The following ARHGAP6 variants were observed in gnomAD, a reference collection of about 807,000 sequenced individuals.
ARHGAP6 encodes Rho GTPase activating protein 6, also known as rho GTPase-activating protein 6.
Under a neutral mutation model 55.7 loss-of-function variants are expected in ARHGAP6, and 16 were observed. That is an observed-to-expected ratio of 0.29 (90% confidence interval 0.19 to 0.44). ARHGAP6 has a LOEUF of 0.44. Among genes scored for constraint, ARHGAP6 ranks in the 20% least tolerant of loss-of-function variants. The pLI is 1.00. For missense variants in ARHGAP6, 698 were observed against 808.9 expected (o/e 0.86, Z 1.66); for synonymous variants, 382 against 360.9 (o/e 1.06, Z -0.66).
chrX:11,631,655 C>T (rs2052363475), intron 1 of ARHGAP6, among the ~76,000 whole-genome samples: 1 of 111,671 alleles, frequency 9.0e-6, no homozygotes, highest in Non-Finnish European at 1.9e-5. Context: ...AAGTCTACAG[C>T]AGGGAGCAGC....
At chrX:11,315,466 G>A (rs2048349506) in intron 1 of ARHGAP6, among the ~76,000 whole-genome samples, 1 of 111,893 alleles carries the variant, frequency 8.9e-6, no homozygotes, top group Admixed American at 9.5e-5. Context: ...ATTCTTAATA[G>A]GCCATGGACT....
intron 2 of ARHGAP6, among the ~76,000 whole-genome samples, chrX:11,232,492 C>G (rs2047146869): frequency 9.1e-6 from 1 of 110,336 alleles, no homozygotes; most frequent in Admixed American, 9.7e-5. Flanking sequence ...ATTAGCTGGG[C>G]TTGGTGGCGT....
At chrX:11,370,690 T>C (rs989408100) in intron 1 of ARHGAP6, among the ~76,000 whole-genome samples, 2 of 111,873 alleles carry the variant, frequency 1.8e-5, no homozygotes, top group Admixed American at 9.5e-5. Flanking sequence ...ATTAATTCAT[T>C]GACTTATTCA....
At chrX:11,160,231 C>T (rs892632002) in intron 9 of ARHGAP6, among the ~76,000 whole-genome samples, 18 of 107,757 alleles carry the variant, frequency 1.7e-4, no homozygotes, top group Admixed American at 3.0e-4. Flanking sequence ...GGGCAGATCA[C>T]GAGGTCAGGA....
chrX:11,277,710 TA>T (rs543163653), intron 1 of ARHGAP6, among the ~76,000 whole-genome samples: 28 of 107,849 alleles, frequency 2.6e-4, no homozygotes, highest in African/African-American at 7.4e-4. Flanking sequence ...TTTTTTTTTT[TA>T]AAAAAAAATT....
chrX:11,147,286 A>G (rs755289630), intron 10 of ARHGAP6, among the ~76,000 whole-genome samples: 1 of 107,073 alleles, frequency 9.3e-6, no homozygotes, highest in Non-Finnish European at 2.0e-5. Flanking sequence ...TATGACATAG[A>G]CATGTACACA....
rs758652229 is a variant in ARHGAP6 at position 11,369,925 on chromosome X, T to G, written c.589-115218A>C. ...GCTAAACTATCAAGTTGTCAGTACA[T>G]GCAGGAATTACAATCAAGGTTTGGA... On this transcript the variant is annotated intron_variant, in intron 1 of 12. Coordinates refer to ENST00000337414, the MANE Select transcript of ARHGAP6 (RefSeq NM_013427.3). Among the ~76,000 whole-genome samples the G allele has an allele frequency of 5.3e-5, 6 of 112,620 alleles. No homozygotes were observed. In the South Asian group the frequency reaches 2.2e-3, roughly 41 times the overall value.
intron 1 of ARHGAP6, among the ~76,000 whole-genome samples, chrX:11,364,839 G>C (rs2049055480): frequency 9.0e-6 from 1 of 111,292 alleles, no homozygotes; most frequent in Non-Finnish European, 1.9e-5. Flanking sequence ...CTCTCAACTA[G>C]CTTACTTTTC....
chrX:11,423,317 A>G (rs149213380), intron 1 of ARHGAP6, among the ~76,000 whole-genome samples: 4,830 of 112,792 alleles, frequency 0.043, 205 homozygotes, highest in African/African-American at 0.14. Flanking sequence ...AGCAAACTTA[A>G]TGACTTCAAA....
At chrX:11,639,249 C>T (rs774618758) in intron 1 of ARHGAP6, among the ~76,000 whole-genome samples, 2 of 106,351 alleles carry the variant, frequency 1.9e-5, no homozygotes, top group African/African-American at 3.6e-5. Flanking sequence ...TTCTAGGGTA[C>T]ATGTGCACAA....
At chrX:11,518,450 TC>T (rs2050869362) in intron 1 of ARHGAP6, among the ~76,000 whole-genome samples, 1 of 99,158 alleles carries the variant, frequency 1.0e-5, no homozygotes, top group Admixed American at 1.1e-4. Context: ...GGCCCAATTT[TC>T]TTTTTTTTTT....
intron 1 of ARHGAP6, among the ~76,000 whole-genome samples, chrX:11,447,778 T>C (rs1230150121): frequency 8.9e-6 from 1 of 112,564 alleles, no homozygotes; most frequent in Non-Finnish European, 1.9e-5. Context: ...CACATGGTTC[T>C]AGCAAGAAAG....
chrX:11,641,523 G>T (rs112977624), intron 1 of ARHGAP6, among the ~76,000 whole-genome samples: 11 of 111,662 alleles, frequency 9.9e-5, no homozygotes, highest in African/African-American at 2.6e-4. Context: ...CCTGAAGAAG[G>T]TCGCATCACA....
intron 1 of ARHGAP6, among the ~76,000 whole-genome samples, chrX:11,261,402 C>T (rs1485641438): frequency 9.0e-6 from 1 of 111,310 alleles, no homozygotes; most frequent in African/African-American, 3.3e-5. Context: ...CCAAAGCCTA[C>T]CAGCACAGTC....
At chrX:11,613,276 T>C (rs1469438859) in intron 1 of ARHGAP6, among the ~76,000 whole-genome samples, 1 of 112,467 alleles carries the variant, frequency 8.9e-6, no homozygotes, top group Non-Finnish European at 1.9e-5. Flanking sequence ...GGAACAGGGC[T>C]CATTTGATAT....
intron 1 of ARHGAP6, among the ~76,000 whole-genome samples, chrX:11,448,860 C>T (rs1437089292): frequency 9.0e-6 from 1 of 111,572 alleles, no homozygotes; most frequent in African/African-American, 3.3e-5. Flanking sequence ...TGTGAAATAC[C>T]AAACATTATC....
intron 1 of ARHGAP6, among the ~76,000 whole-genome samples, chrX:11,557,354 T>A (rs2051330750): frequency 9.0e-6 from 1 of 111,496 alleles, no homozygotes; most frequent in East Asian, 2.8e-4. Context: ...AGAAATAAAA[T>A]ACTAAGAGTT....
intron 2 of ARHGAP6, among the ~76,000 whole-genome samples, chrX:11,197,741 A>T (rs748450259): frequency 8.9e-6 from 1 of 112,407 alleles, no homozygotes; most frequent in Non-Finnish European, 1.9e-5. Context: ...TTTGCAACAA[A>T]TGTACTTAAT....
chrX:11,236,623 C>CT (rs775346319), intron 2 of ARHGAP6, among the ~76,000 whole-genome samples: 146 of 111,492 alleles, frequency 1.3e-3, no homozygotes, highest in Non-Finnish European at 2.4e-3. Context: ...GGAAGAAGTA[C>CT]TTTTTTTTAA....
Sources: gnomAD v4.1 joint callset for allele counts (sites outside exome capture counted in the v4.1 genomes callset) on GRCh38, gnomAD v4.1.1 for gene constraint, MANE v1.5 for transcripts, NCBI Gene and HGNC (gene_info 2026-07-23, HGNC 2026-07-21) for gene names.